SH3GL2: variants seen among roughly 807,000 people sequenced by gnomAD.
SH3GL2 encodes SH3 domain containing GRB2 like 2, endophilin A1.
A neutral mutation model predicts 46.0 loss-of-function variants in SH3GL2; 24 were observed. The ratio of observed to expected loss-of-function variants is 0.52; its 90% CI spans 0.38 to 0.73. The LOEUF (loss-of-function observed/expected upper bound fraction) is 0.73, where lower values mean the gene tolerates loss of function less well. Among genes scored for constraint, SH3GL2 ranks in the 30% least tolerant of loss-of-function variants. SH3GL2 has a pLI of 0.00. For missense variants in SH3GL2, 413 were observed against 424.2 expected (o/e 0.97, Z 0.23); for synonymous variants, 196 against 147.1 (o/e 1.33, Z -2.40).
chr9:17,786,583 G>T, intron 4 of SH3GL2, 59 bp downstream of exon 4: 1 of 1,558,810 alleles, frequency 6.4e-7, no homozygotes, highest in South Asian at 1.1e-5. Flanking sequence ...TTTTGGTGCT[G>T]GTAAGAAATT....
In SH3GL2 at chr9:17,738,641, T is replaced by TATATATATATATATAG. The variant is rs376280314; in HGVS notation, c.46-8424_46-8423insTATATATATATATAGA. On this transcript the variant is annotated intron_variant, in intron 1 of 8. Coordinates refer to ENST00000380607, the MANE Select transcript of SH3GL2 (RefSeq NM_003026.5). ...TCATGTGATTTTATATATATATATA[T>TATATATATATATATAG]AGAGAGAGAGAGAGAGAGAGAGAGA... Among the ~76,000 whole-genome samples, 63 of 88,874 alleles carry TATATATATATATATAG rather than the reference T, an allele frequency of 7.1e-4. 2 individuals carry two copies. Among genetic ancestry groups the TATATATATATATATAG allele is most frequent in the South Asian group, 1.5e-3 (3 of 2,038 alleles). The allele number at this position is 88,874 out of a possible 152,430, so 58.3% of individuals were successfully genotyped here.
At chr9:17,787,179 C>T (rs140311172) in intron 4 of SH3GL2, among the ~76,000 whole-genome samples, 1 of 152,088 alleles carries the variant, frequency 6.6e-6, no homozygotes, top group African/African-American at 2.4e-5. Flanking sequence ...GTAACTGTTC[C>T]ATTCTTGATG....
At chr9:17,742,967 G>A (rs1009933731) in intron 1 of SH3GL2, among the ~76,000 whole-genome samples, 1 of 152,144 alleles carries the variant, frequency 6.6e-6, no homozygotes, top group African/African-American at 2.4e-5. Context: ...GTTAGTCAAA[G>A]TATACTAAGT....
intron 1 of SH3GL2, among the ~76,000 whole-genome samples, chr9:17,668,620 T>G: frequency 6.6e-6 from 1 of 152,106 alleles, no homozygotes; most frequent in Non-Finnish European, 1.5e-5. Flanking sequence ...ATTCTGTCAT[T>G]TTCAAAATGG....
intron 5 of SH3GL2, 123 bp from the exon 6 acceptor site, chr9:17,789,269 C>A: frequency 1.4e-6 from 1 of 703,692 alleles, no homozygotes; most frequent in Non-Finnish European, 2.4e-6. Flanking sequence ...TCTCTGGTGG[C>A]GTTGTATTTT....
chr9:17,585,811 G>C (rs891347866), intron 1 of SH3GL2, among the ~76,000 whole-genome samples: 1 of 152,172 alleles, frequency 6.6e-6, no homozygotes, highest in East Asian at 1.9e-4. Flanking sequence ...TACCTGGGTG[G>C]GGTGTTCACA....
intron 3 of SH3GL2, among the ~76,000 whole-genome samples, chr9:17,776,113 C>T (rs1823634806): frequency 6.6e-6 from 1 of 152,138 alleles, no homozygotes; most frequent in African/African-American, 2.4e-5. Context: ...CTCATCCTTG[C>T]TCTTCCAGCA....
chr9:17,688,928 A>G (rs1203245994), intron 1 of SH3GL2, among the ~76,000 whole-genome samples: 1 of 152,076 alleles, frequency 6.6e-6, no homozygotes, highest in Non-Finnish European at 1.5e-5. Context: ...CCACTCTTTA[A>G]GTGTGACATG....
Position 17,791,350 on chromosome 9 carries a change from C to T in SH3GL2, c.728+16C>T, listed in dbSNP as rs370701228. ...TGGAAGAAAGGTATTCTACAGTTCC[C>T]TGCATTTCACATTTGCATTTTATTG... On this transcript the variant is annotated intron_variant, in intron 7 of 8. Transcript: ENST00000380607. The T allele has an allele frequency of 6.4e-5, 94 of 1,474,452 alleles. No individual in the cohort carries two copies. The highest frequency in any genetic ancestry group is 8.5e-5 in the Non-Finnish European group (90 of 1,053,074). 91.3% of individuals were successfully genotyped at this position (1,474,452 alleles called of 1,614,324 possible).
intron 3 of SH3GL2, among the ~76,000 whole-genome samples, chr9:17,773,883 G>C (rs1333849314): frequency 2.0e-5 from 3 of 151,982 alleles, no homozygotes; most frequent in Non-Finnish European, 4.4e-5. Context: ...AGATTGCTTT[G>C]AATAATGTTG....
intron 1 of SH3GL2, among the ~76,000 whole-genome samples, chr9:17,683,959 G>A (rs926321757): frequency 5.3e-5 from 8 of 152,032 alleles, no homozygotes; most frequent in African/African-American, 7.2e-5. Flanking sequence ...AGCAGGATGC[G>A]AGACATGTTC....
chr9:17,639,041 T>A (rs1819612269), intron 1 of SH3GL2, among the ~76,000 whole-genome samples: 1 of 152,208 alleles, frequency 6.6e-6, no homozygotes, highest in Non-Finnish European at 1.5e-5. Flanking sequence ...ATTAGCCAAG[T>A]GTAATGTATG....
intron 1 of SH3GL2, among the ~76,000 whole-genome samples, chr9:17,735,355 T>A (rs1822301158): frequency 6.6e-6 from 1 of 152,138 alleles, no homozygotes; most frequent in African/African-American, 2.4e-5. Context: ...GCACCCTGAA[T>A]CTATAGAAAA....
chr9:17,674,281 T>A (rs535764831), intron 1 of SH3GL2, among the ~76,000 whole-genome samples: 45 of 152,310 alleles, frequency 3.0e-4, no homozygotes, highest in African/African-American at 9.9e-4. Context: ...TTATTTATTT[T>A]TTTAAGACGG....
intron 1 of SH3GL2, among the ~76,000 whole-genome samples, chr9:17,670,619 G>C (rs958866048): frequency 6.6e-6 from 1 of 152,122 alleles, no homozygotes. Flanking sequence ...GGAACAAGTA[G>C]CATTTTCTTT....
At chr9:17,598,409 A>T (rs1177421074) in intron 1 of SH3GL2, among the ~76,000 whole-genome samples, 1 of 152,244 alleles carries the variant, frequency 6.6e-6, no homozygotes, top group Non-Finnish European at 1.5e-5. Context: ...TATCTTTCTT[A>T]CCAAAGATCA....
chr9:17,704,394 C>T (rs564271214), intron 1 of SH3GL2, among the ~76,000 whole-genome samples: 3 of 151,884 alleles, frequency 2.0e-5, no homozygotes, highest in Non-Finnish European at 4.4e-5. Context: ...TAATGCCATT[C>T]CTATCAAATT....
Position 17,789,567 on chromosome 9 carries a change from G to T in SH3GL2, c.624+17G>T. 6.2e-7 allele frequency: 1 copy of T among 1,612,598 alleles called. No homozygotes were observed. Among genetic ancestry groups the T allele is most frequent in the Non-Finnish European group, 8.5e-7 (1 of 1,179,070 alleles). On this transcript the variant is annotated intron_variant, in intron 6 of 8. Transcript: ENST00000380607. Reference sequence around the variant, plus strand: ...GAGATGGATGTAAGTGACTCCTGTGGTTTTCAATTTAATCTTATCATCGAG... The same window carrying T: ...GAGATGGATGTAAGTGACTCCTGTGTTTTTCAATTTAATCTTATCATCGAG...
chr9:17,794,228 C>T (rs1824216632), intron 8 of SH3GL2, among the ~76,000 whole-genome samples: 1 of 152,222 alleles, frequency 6.6e-6, no homozygotes, highest in African/African-American at 2.4e-5. Flanking sequence ...GAGACATTTT[C>T]AACCTCCACA....
Sources: gnomAD v4.1 joint callset for allele counts (sites outside exome capture counted in the v4.1 genomes callset) on GRCh38, gnomAD v4.1.1 for gene constraint, MANE v1.5 for transcripts, NCBI Gene and HGNC (gene_info 2026-07-23, HGNC 2026-07-21) for gene names.